ASAP2: variants seen among roughly 807,000 people sequenced by gnomAD.
ASAP2 encodes the protein ArfGAP with SH3 domain, ankyrin repeat and PH domain 2, also known as arf-GAP with SH3 domain, ANK repeat and PH domain-containing protein 2.
Under a neutral mutation model 131.4 loss-of-function variants are expected in ASAP2, and 45 were observed. The ratio of observed to expected loss-of-function variants is 0.34; its 90% CI spans 0.27 to 0.44. The LOEUF (loss-of-function observed/expected upper bound fraction) is 0.44, where lower values mean the gene tolerates loss of function less well. Among genes scored for constraint, ASAP2 ranks in the 20% least tolerant of loss-of-function variants. The pLI, the probability that ASAP2 is intolerant of heterozygous loss-of-function variation, is 1.00. For synonymous variants in ASAP2, 510 were observed against 503.0 expected, an observed-to-expected ratio of 1.01 and a Z score of -0.19; for missense variants, 1,011 against 1,297.0, an observed-to-expected ratio of 0.78 and a Z score of 3.39.
At chr2:9,314,119 G>T (rs534146283) in intron 3 of ASAP2, among the ~76,000 whole-genome samples, 149 of 152,252 alleles carry the variant, frequency 9.8e-4, no homozygotes, top group African/African-American at 3.3e-3. Context: ...GAGTAGCTAG[G>T]ATTACAGGCG....
At chr2:9,378,883 A>G in intron 18 of ASAP2, 61 bp from the exon 19 acceptor site, 2 of 1,221,756 alleles carry the variant, frequency 1.6e-6, no homozygotes, top group Non-Finnish European at 2.1e-6. Context: ...CCTGCCGGGC[A>G]GTCCCTGGTC....
At chr2:9,250,990 G>C (rs930082885) in intron 1 of ASAP2, among the ~76,000 whole-genome samples, 1 of 152,246 alleles carries the variant, frequency 6.6e-6, no homozygotes, top group African/African-American at 2.4e-5. Context: ...CCCGGAGTGG[G>C]CAGGCTCACC....
intron 1 of ASAP2, among the ~76,000 whole-genome samples, chr2:9,271,881 A>C (rs1666427875): frequency 6.6e-6 from 1 of 151,972 alleles, no homozygotes; most frequent in Non-Finnish European, 1.5e-5. Flanking sequence ...ATTGCAGCTG[A>C]CAGGATCTCA....
At chr2:9,227,314 T>C (rs1182540558) in intron 1 of ASAP2, among the ~76,000 whole-genome samples, 1 of 152,178 alleles carries the variant, frequency 6.6e-6, no homozygotes, top group Non-Finnish European at 1.5e-5. Context: ...CTGCAGTGCC[T>C]GACGCATGAG....
rs781249376 is a variant in ASAP2 at position 9,403,281 on chromosome 2, G to A, written c.2975G>A (p.Arg992His). The change falls in exon 28 of 28, where the codon CGC becomes CAC. Residue 992 changes from arginine to histidine, a missense_variant. This residue lies in a region of ASAP2 where 652 missense variants were observed against 698.9 expected (regional missense o/e 0.93). Coordinates refer to ENST00000281419, the MANE Select transcript of ASAP2 (RefSeq NM_003887.3). ...GGCCACATTGATGGAGATCCTGGTC[G>A]CAAAGGCGCATTCCCGGTGTCATTT... ...WIGHIDGDPG[R>H]KGAFPVSFVH... The A allele has an allele frequency of 2.4e-5, 39 of 1,613,916 alleles. 1 individual carries two copies. Among genetic ancestry groups the A allele is most frequent in the East Asian group, 4.5e-5 (2 of 44,890 alleles).
intron 1 of ASAP2, among the ~76,000 whole-genome samples, chr2:9,269,643 G>A (rs966560297): frequency 1.3e-5 from 2 of 152,250 alleles, no homozygotes; most frequent in East Asian, 1.9e-4. Flanking sequence ...GTACAGTGGG[G>A]CCCATGAACG....
rs963619871 is a variant in ASAP2 at position 9,207,405 on chromosome 2, G to T, written c.126+175G>T. Among the ~76,000 whole-genome samples, 2 of 152,198 alleles carry T rather than the reference G, an allele frequency of 1.3e-5. No homozygotes were observed. The highest frequency in any genetic ancestry group is 4.8e-5 in the African/African-American group (2 of 41,460). On this transcript the variant is annotated intron_variant, in intron 1 of 27. Transcript: ENST00000281419. The surrounding 1 kb of genome is among the most constrained non-coding windows in gnomAD (Gnocchi z 4.1). ...CCCGCCTAGGTGGCTCGGAGGAGAT[G>T]GGTGATGGCCACCTTGGGCCTCTTT...
chr2:9,290,789 G>T (rs986624089), intron 2 of ASAP2, among the ~76,000 whole-genome samples: 7 of 152,154 alleles, frequency 4.6e-5, no homozygotes, highest in Non-Finnish European at 1.0e-4. Context: ...CTTAGAAGTT[G>T]CAGGATCCTG....
At chr2:9,256,944 G>C (rs953505777) in intron 1 of ASAP2, among the ~76,000 whole-genome samples, 2 of 152,236 alleles carry the variant, frequency 1.3e-5, no homozygotes, top group African/African-American at 2.4e-5. Flanking sequence ...AGGGCTGGGA[G>C]GGGGCAGCAC....
At chr2:9,379,730 A>G (rs1160482090) in intron 19 of ASAP2, among the ~76,000 whole-genome samples, 8 of 152,192 alleles carry the variant, frequency 5.3e-5, no homozygotes, top group African/African-American at 1.9e-4. Flanking sequence ...GACCTCATTG[A>G]CTGAGGCTTA....
intron 2 of ASAP2, among the ~76,000 whole-genome samples, chr2:9,282,765 G>A (rs1326496973): frequency 2.0e-5 from 3 of 152,228 alleles, no homozygotes; most frequent in South Asian, 2.1e-4. Flanking sequence ...TCCTTGTCTT[G>A]TCTCATGTTT....
chr2:9,400,706 TGG>T (rs1207578548), intron 25 of ASAP2, 34 bp from the exon 26 acceptor site: 1 of 1,545,034 alleles, frequency 6.5e-7, no homozygotes, highest in Non-Finnish European at 8.9e-7. Context: ...CTGTGATTGA[TGG>T]GATGTCTTAA....
chr2:9,235,551 A>G (rs533985316), intron 1 of ASAP2, among the ~76,000 whole-genome samples: 147 of 152,288 alleles, frequency 9.7e-4, no homozygotes, highest in Non-Finnish European at 1.8e-3. Context: ...TGGAAAGCCC[A>G]GTACATTAGG....
chr2:9,265,163 C>T (rs988969132), intron 1 of ASAP2, among the ~76,000 whole-genome samples: 1 of 152,122 alleles, frequency 6.6e-6, no homozygotes, highest in African/African-American at 2.4e-5. Flanking sequence ...ATGAAAAATA[C>T]AAATTTTTAA....
intron 3 of ASAP2, among the ~76,000 whole-genome samples, chr2:9,308,747 T>A (rs1558316966): frequency 6.6e-6 from 1 of 152,060 alleles, no homozygotes. Context: ...TGCTAATAGT[T>A]GTGTGATTTG....
At chr2:9,258,353 T>TTTA (rs1665322806) in intron 1 of ASAP2, among the ~76,000 whole-genome samples, 5 of 148,306 alleles carry the variant, frequency 3.4e-5, no homozygotes, top group African/African-American at 7.5e-5. Context: ...TTTTTTTTTT[T>TTTA]GAGACTTTTG....
intron 2 of ASAP2, among the ~76,000 whole-genome samples, chr2:9,284,366 A>T (rs1405994066): frequency 6.6e-6 from 1 of 152,164 alleles, no homozygotes; most frequent in Non-Finnish European, 1.5e-5. Flanking sequence ...GTAGTTTTGT[A>T]TCTGTTGATC....
intron 1 of ASAP2, among the ~76,000 whole-genome samples, chr2:9,230,383 C>T (rs992264982): frequency 6.6e-6 from 1 of 152,214 alleles, no homozygotes; most frequent in Non-Finnish European, 1.5e-5. Flanking sequence ...CTGAGCAGTG[C>T]AGCCGTGACT....
In ASAP2 at chr2:9,342,200, C is replaced by T. The variant is rs904162553; in HGVS notation, c.850-2332C>T. On this transcript the variant is annotated intron_variant, in intron 9 of 27. Transcript: ENST00000281419. The stretch of plus-strand genomic sequence containing the variant: ...TGTGGAAACGCAAAGGACCCAGAAT[C>T]GTCAAAACAATCCTGAAAAAGAAGA... 5.3e-5 allele frequency among the ~76,000 whole-genome samples: 8 copies of T among 152,280 alleles called. No homozygotes were observed. In the East Asian group the frequency reaches 7.7e-4, roughly 15 times the overall value.
Sources: allele counts gnomAD v4.1 joint callset (sites outside exome capture counted in the v4.1 genomes callset), GRCh38; gene constraint gnomAD v4.1.1; regional missense constraint gnomAD v4.1.1; non-coding constraint Gnocchi (gnomAD v3.1); transcripts MANE v1.5; gene names NCBI Gene and HGNC (gene_info 2026-07-23, HGNC 2026-07-21).